The following GNG4 variants were observed in gnomAD, a reference collection of about 807,000 sequenced individuals.
GNG4 encodes guanine nucleotide-binding protein G(I)/G(S)/G(O) subunit gamma-4.
In GNG4, 4 loss-of-function variants were observed where a neutral mutation model predicts 5.8. The observed-to-expected ratio is 0.69, with a 90% CI of 0.34 to 1.57. The LOEUF (loss-of-function observed/expected upper bound fraction) is 1.57, where lower values mean the gene tolerates loss of function less well. Ranked by LOEUF, GNG4 falls within the 40% of genes most tolerant of loss-of-function variation. GNG4 has a pLI of 0.06. For missense variants in GNG4, 96 were observed against 95.1 expected, an observed-to-expected ratio of 1.01 and a Z score of -0.04; for synonymous variants, 29 against 32.9, an observed-to-expected ratio of 0.88 and a Z score of 0.41.
At chr1:235,568,617 G>A (rs2102925253) in intron 3 of GNG4, among the ~76,000 whole-genome samples, 1 of 152,228 alleles carries the variant, frequency 6.6e-6, no homozygotes, top group South Asian at 2.1e-4. Flanking sequence ...AGAATTCATT[G>A]TAGATGCTGT....
rs115072523 is a variant in GNG4, at chr1:235,583,278, G to A, written c.99+462C>T. 7.6e-3 allele frequency among the ~76,000 whole-genome samples: 1,157 copies of A among 152,220 alleles called. 11 individuals carry two copies. Among genetic ancestry groups the A allele is most frequent in the Non-Finnish European group, 0.011 (750 of 68,016 alleles). ...CACTCATCAGTGAAATGAATACAACGGGAGGTGTCTGGAACCTTTCTTCAT... is the reference window on the plus strand; with the variant it reads ...CACTCATCAGTGAAATGAATACAACAGGAGGTGTCTGGAACCTTTCTTCAT... On this transcript the variant is annotated intron_variant, in intron 3 of 3. Transcript: ENST00000391854.
In GNG4 at chr1:235,649,418, G is replaced by T. The variant is rs1359461551; in HGVS notation, c.-123+244C>A. Among the ~76,000 whole-genome samples the T allele has an allele frequency of 1.3e-5, 2 of 151,936 alleles. No individual in the cohort carries two copies. The highest frequency in any genetic ancestry group is 1.9e-4 in the East Asian group (1 of 5,134). On this transcript the variant is annotated intron_variant, in intron 1 of 3. Coordinates refer to ENST00000391854, the MANE Select transcript of GNG4 (RefSeq NM_001098722.2). The surrounding 1 kb of genome is among the most constrained non-coding windows in gnomAD (Gnocchi z 5.7). ...GAAGCCCCTGGACGCGCTCCGAGGG[G>T]GCTGTCCACACCCGCGCGCGGGCTT...
chr1:235,594,808 G>A, intron 2 of GNG4, among the ~76,000 whole-genome samples: 1 of 152,324 alleles, frequency 6.6e-6, no homozygotes, highest in South Asian at 2.1e-4. Flanking sequence ...TCCCGCCTTG[G>A]CCAGCCCAGG....
At chr1:235,561,920 C>T (rs961788599) in intron 3 of GNG4, among the ~76,000 whole-genome samples, 1 of 152,148 alleles carries the variant, frequency 6.6e-6, no homozygotes, top group Non-Finnish European at 1.5e-5. Context: ...ATGTCATCTT[C>T]TAGAAGTTCT....
intron 3 of GNG4, among the ~76,000 whole-genome samples, chr1:235,557,276 C>G (rs1260005305): frequency 6.9e-6 from 1 of 145,608 alleles, no homozygotes; most frequent in Admixed American, 6.8e-5. Context: ...CTCAAGTGGC[C>G]TGGAACATTC....
chr1:235,553,497 T>C (rs539358012), intron 3 of GNG4, among the ~76,000 whole-genome samples: 30 of 152,326 alleles, frequency 2.0e-4, no homozygotes, highest in African/African-American at 6.0e-4. Flanking sequence ...AAAAAATGTT[T>C]AGAAGCCTCC....
rs1394776162 is a variant in GNG4, at chr1:235,644,698, A to T, written c.-123+4964T>A. On this transcript the variant is annotated intron_variant, in intron 1 of 3. Coordinates refer to ENST00000391854, the MANE Select transcript of GNG4 (RefSeq NM_001098722.2). The surrounding 1 kb of genome is among the most constrained non-coding windows in gnomAD (Gnocchi z 5.9). The stretch of plus-strand genomic sequence containing the variant: ...GATTGCTGAAGGAAAACTAAAACCG[A>T]ATGAGGACTGACTCATGCTCGTTTA... Among the ~76,000 whole-genome samples the T allele has an allele frequency of 6.6e-5, 10 of 152,272 alleles. No individual in the cohort carries two copies. The East Asian group carries it at 1.7e-3, about 26-fold the overall frequency.
intron 3 of GNG4, among the ~76,000 whole-genome samples, chr1:235,557,355 G>C (rs1253026760): frequency 6.6e-6 from 1 of 152,122 alleles, no homozygotes; most frequent in Non-Finnish European, 1.5e-5. Flanking sequence ...GAGCTCACAG[G>C]ACCAGAAGAA....
intron 3 of GNG4, among the ~76,000 whole-genome samples, chr1:235,567,733 C>T (rs1395545250): frequency 6.6e-6 from 1 of 152,178 alleles, no homozygotes; most frequent in Non-Finnish European, 1.5e-5. Flanking sequence ...TAGGTAGCTT[C>T]TATGCCTTGG....
intron 3 of GNG4, among the ~76,000 whole-genome samples, chr1:235,573,701 C>T (rs1226303301): frequency 2.0e-5 from 3 of 151,954 alleles, no homozygotes; most frequent in Non-Finnish European, 4.4e-5. Context: ...CACTTGAACC[C>T]GAGAGGCGGA....
chr1:235,600,100 C>CATTTTTTTTTT (rs1688222477), intron 1 of GNG4, among the ~76,000 whole-genome samples: 1 of 43,128 alleles, frequency 2.3e-5, no homozygotes, highest in African/African-American at 1.0e-4. Context: ...CGGAAGAAAG[C>CATTTTTTTTTT]TTTTTTTTTT....
In GNG4 at chr1:235,549,203, A is replaced by T. The variant is rs1298456080; in HGVS notation, c.*2906T>A. On this transcript the variant is annotated 3_prime_UTR_variant, in exon 4 of 4. Coordinates refer to ENST00000391854, the MANE Select transcript of GNG4 (RefSeq NM_001098722.2). ...AAGAGACTCTGTCTCAAAAACAAAA[A>T]CAAAAACAAAAAAAGAAGAGGCAGC... is the stretch of plus-strand genomic sequence containing the variant. 6.5e-6 allele frequency: 1 copy of T among 153,202 alleles called. No individual in the cohort carries two copies. Among genetic ancestry groups the T allele is most frequent in the African/African-American group, 2.4e-5 (1 of 41,446 alleles). 9.5% of individuals were successfully genotyped at this position (153,202 alleles called of 1,614,324 possible). A position where few individuals can be genotyped will look rare whatever the true frequency, so the allele number is the denominator to read the frequency against.
At chr1:235,631,142 G>C (rs1216184143) in intron 1 of GNG4, among the ~76,000 whole-genome samples, 1 of 152,016 alleles carries the variant, frequency 6.6e-6, no homozygotes, top group Non-Finnish European at 1.5e-5. Context: ...CAGGTGATCC[G>C]CCCTCCTCGG....
At chr1:235,646,636 A>G (rs868401260) in intron 1 of GNG4, among the ~76,000 whole-genome samples, 2 of 150,658 alleles carry the variant, frequency 1.3e-5, no homozygotes, top group Middle Eastern at 3.2e-3. Context: ...ATACTTCCTC[A>G]CTCCTGGGCA....
At chr1:235,612,400 G>C (rs1688498660) in intron 1 of GNG4, among the ~76,000 whole-genome samples, 6 of 152,094 alleles carry the variant, frequency 3.9e-5, no homozygotes, top group Admixed American at 3.3e-4. Flanking sequence ...AAACAGACGG[G>C]GCCTTCACAG....
intron 1 of GNG4, among the ~76,000 whole-genome samples, chr1:235,625,796 C>A (rs1165516781): frequency 6.6e-6 from 1 of 152,156 alleles, no homozygotes; most frequent in Non-Finnish European, 1.5e-5. Context: ...AATACTATTC[C>A]ATTTTCTGGA....
chr1:235,607,394 C>T (rs1231109278), intron 1 of GNG4, among the ~76,000 whole-genome samples: 1 of 152,190 alleles, frequency 6.6e-6, no homozygotes, highest in East Asian at 1.9e-4. Context: ...GCTATGGTGT[C>T]ACCACCAACA....
chr1:235,580,534 G>A (rs1687602514), intron 3 of GNG4, among the ~76,000 whole-genome samples: 1 of 152,126 alleles, frequency 6.6e-6, no homozygotes, highest in African/African-American at 2.4e-5. Flanking sequence ...CGGTTCCTAG[G>A]TTCAGCTCTC....
At chr1:235,639,888 A>T (rs1054321055) in intron 1 of GNG4, among the ~76,000 whole-genome samples, 2 of 152,180 alleles carry the variant, frequency 1.3e-5, no homozygotes, top group African/African-American at 4.8e-5. Context: ...CTTATTTTGC[A>T]TTCCTACCCC....
Sources: gnomAD v4.1 joint callset for allele counts (sites outside exome capture counted in the v4.1 genomes callset) on GRCh38, gnomAD v4.1.1 for gene constraint, Gnocchi (gnomAD v3.1) non-coding constraint, MANE v1.5 for transcripts, NCBI Gene and HGNC (gene_info 2026-07-23, HGNC 2026-07-21) for gene names.